The following PPM1E variants were observed in gnomAD, a reference collection of about 807,000 sequenced individuals.
PPM1E encodes the protein protein phosphatase, Mg2+/Mn2+ dependent 1E.
In PPM1E, 20 loss-of-function variants were observed where a neutral mutation model predicts 65.9. The ratio of observed to expected loss-of-function variants is 0.30; its 90% CI spans 0.21 to 0.44. The LOEUF is 0.44. Ranked by LOEUF, PPM1E falls within the 20% of genes least tolerant of loss-of-function variation. The pLI, the probability that PPM1E is intolerant of heterozygous loss-of-function variation, is 1.00. For missense variants in PPM1E, 713 were observed against 953.1 expected (o/e 0.75, Z 3.32); for synonymous variants, 352 against 374.9 (o/e 0.94, Z 0.70).
intron 1 of PPM1E, among the ~76,000 whole-genome samples, chr17:58,762,463 A>C (rs1432057552): frequency 6.8e-6 from 1 of 147,360 alleles, no homozygotes; most frequent in Non-Finnish European, 1.5e-5. Flanking sequence ...ACCTTGTTTC[A>C]AAAAAAAAAA....
chr17:58,756,653 C>T (rs998627511), intron 1 of PPM1E, among the ~76,000 whole-genome samples, 192 bp downstream of exon 1: 158 of 21,684 alleles, frequency 7.3e-3, no homozygotes, highest in Non-Finnish European at 0.012. Context: ...CCCGCCTCGG[C>T]CCCCACGCCC....
chr17:58,782,851 T>C (rs1300752086), intron 1 of PPM1E, among the ~76,000 whole-genome samples: 1 of 152,198 alleles, frequency 6.6e-6, no homozygotes, highest in African/African-American at 2.4e-5. Flanking sequence ...TTTAGAATTA[T>C]ATTCAGAAAC....
chr17:58,850,622 T>C (rs1276290400), intron 1 of PPM1E, among the ~76,000 whole-genome samples: 1 of 152,226 alleles, frequency 6.6e-6, no homozygotes. Flanking sequence ...TCTTCTGGCT[T>C]GTAGAGTTTC....
intron 1 of PPM1E, among the ~76,000 whole-genome samples, chr17:58,862,885 T>G (rs1051270457): frequency 3.3e-5 from 5 of 152,218 alleles, no homozygotes; most frequent in Non-Finnish European, 7.3e-5. Context: ...CCCTTTTGTT[T>G]CCCAATTTTC....
chr17:58,925,877 A>G (rs1189676728), intron 1 of PPM1E, among the ~76,000 whole-genome samples: 1 of 152,136 alleles, frequency 6.6e-6, no homozygotes, highest in South Asian at 2.1e-4. Context: ...ACTGATCTGT[A>G]GGTGGCAATA....
intron 1 of PPM1E, among the ~76,000 whole-genome samples, chr17:58,873,496 G>A (rs2051093484): frequency 2.0e-5 from 3 of 151,634 alleles, no homozygotes; most frequent in Non-Finnish European, 4.4e-5. Flanking sequence ...CTGGCAAACA[G>A]GACAAGAGCT....
intron 1 of PPM1E, among the ~76,000 whole-genome samples, chr17:58,840,084 A>C (rs568564759): frequency 1.3e-5 from 2 of 152,360 alleles, no homozygotes; most frequent in South Asian, 4.1e-4. Flanking sequence ...CAAGGGAAGA[A>C]GCACATGGGA....
chr17:58,873,260 T>C (rs931631709), intron 1 of PPM1E, among the ~76,000 whole-genome samples: 38 of 152,336 alleles, frequency 2.5e-4, no homozygotes, highest in African/African-American at 9.1e-4. Context: ...CACAGATTGA[T>C]GGCAAATATT....
intron 1 of PPM1E, among the ~76,000 whole-genome samples, chr17:58,877,718 C>T (rs1314721156): frequency 6.6e-6 from 1 of 152,102 alleles, no homozygotes; most frequent in African/African-American, 2.4e-5. Flanking sequence ...GATTGGGAAA[C>T]TTGTATGGAA....
chr17:58,945,416 T>A (rs2052136412), intron 1 of PPM1E, among the ~76,000 whole-genome samples: 1 of 152,238 alleles, frequency 6.6e-6, no homozygotes, highest in African/African-American at 2.4e-5. Context: ...GTGTTGGGAT[T>A]ACAGGCGTGA....
chr17:58,874,376 T>C (rs2051106369), intron 1 of PPM1E, among the ~76,000 whole-genome samples: 1 of 152,214 alleles, frequency 6.6e-6, no homozygotes, highest in African/African-American at 2.4e-5. Context: ...TGTCCATTTA[T>C]ATATCTTCTA....
At chr17:58,776,227 T>A (rs1198812326) in intron 1 of PPM1E, among the ~76,000 whole-genome samples, 1 of 151,832 alleles carries the variant, frequency 6.6e-6, no homozygotes, top group Non-Finnish European at 1.5e-5. Flanking sequence ...CTTAGGAGGC[T>A]GAGATAGGAG....
intron 1 of PPM1E, among the ~76,000 whole-genome samples, chr17:58,882,938 T>C (rs1024120793): frequency 6.6e-6 from 1 of 150,510 alleles, no homozygotes; most frequent in Non-Finnish European, 1.5e-5. Context: ...GTTTTCATTT[T>C]TGTTATTACT....
intron 1 of PPM1E, among the ~76,000 whole-genome samples, chr17:58,934,858 C>A (rs1049739495): frequency 6.6e-6 from 1 of 150,534 alleles, no homozygotes; most frequent in Non-Finnish European, 1.5e-5. Context: ...ACCCAGGAGA[C>A]AGAGGTTGCA....
At chr17:58,909,825 T>G (rs2051602312) in intron 1 of PPM1E, among the ~76,000 whole-genome samples, 1 of 152,008 alleles carries the variant, frequency 6.6e-6, no homozygotes, top group African/African-American at 2.4e-5. Context: ...CTTGGTGTTC[T>G]CTGAGATTTC....
At chr17:58,796,952 A>G (rs1467854354) in intron 1 of PPM1E, among the ~76,000 whole-genome samples, 1 of 152,106 alleles carries the variant, frequency 6.6e-6, no homozygotes, top group Non-Finnish European at 1.5e-5. Context: ...CTAAAAATAC[A>G]AAAATTAGCT....
chr17:58,912,898 T>G lies in PPM1E; in HGVS notation c.465-42751T>G, dbSNP rs1248718669. On this transcript the variant is annotated intron_variant, in intron 1 of 6. Coordinates refer to ENST00000308249, the MANE Select transcript of PPM1E (RefSeq NM_014906.5). ...GCCTTTGTAAAAACCCAGAAAGGAC[T>G]GGGTTCAAAGAGCTTCTTGTGCTGA... Among the ~76,000 whole-genome samples, 4 of 152,166 alleles carry G rather than the reference T, an allele frequency of 2.6e-5. No homozygotes were observed. In the East Asian group the frequency reaches 7.7e-4, roughly 29 times the overall value.
chr17:58,975,623 C>G (rs2030951236), intron 6 of PPM1E, among the ~76,000 whole-genome samples: 1 of 152,172 alleles, frequency 6.6e-6, no homozygotes, highest in South Asian at 2.1e-4. Flanking sequence ...TTTGAAAAGG[C>G]ATGGCATGTT....
At chr17:58,952,315 A>G (rs1437846103) in intron 1 of PPM1E, among the ~76,000 whole-genome samples, 2 of 152,166 alleles carry the variant, frequency 1.3e-5, no homozygotes, top group African/African-American at 4.8e-5. Context: ...GCACATGTGC[A>G]TGGCTGCCCA....
Sources: allele counts gnomAD v4.1 joint callset (sites outside exome capture counted in the v4.1 genomes callset), GRCh38; gene constraint gnomAD v4.1.1; transcripts MANE v1.5; gene names NCBI Gene and HGNC (gene_info 2026-07-23, HGNC 2026-07-21).